The following BRI3BP variants were observed in gnomAD, a reference collection of about 807,000 sequenced individuals.
The protein encoded by BRI3BP is BRI3 binding protein.
In BRI3BP, 7 loss-of-function variants were observed where a neutral mutation model predicts 15.8. The observed-to-expected ratio is 0.44, with a 90% confidence interval of 0.25 to 0.83. The LOEUF is 0.83. BRI3BP is among the 40% of genes least tolerant of loss of function. The pLI is 0.20. For missense variants in BRI3BP, 320 were observed against 339.3 expected, an observed-to-expected ratio of 0.94 and a Z score of 0.45; for synonymous variants, 192 against 163.5, an observed-to-expected ratio of 1.17 and a Z score of -1.33.
intron 1 of BRI3BP, 82 bp from the exon 2 acceptor site, chr12:125,012,451 TA>T: frequency 8.6e-7 from 1 of 1,164,634 alleles, no homozygotes; most frequent in Non-Finnish European, 1.3e-6. Flanking sequence ...TTCCCAGGTA[TA>T]AACTCCCAAG....
chr12:124,995,432 G>T (rs11837967), intron 1 of BRI3BP, among the ~76,000 whole-genome samples: 1 of 152,114 alleles, frequency 6.6e-6, no homozygotes, highest in African/African-American at 2.4e-5. Context: ...TCTTTTTCAC[G>T]CAGGGTGACC....
chr12:124,993,988 G>A lies in BRI3BP; in HGVS notation c.198G>A (p.Val66=). The change falls in exon 1 of 3, where the codon GTG becomes GTA. Residue 66 remains valine, a synonymous_variant. Coordinates refer to ENST00000341446, the MANE Select transcript of BRI3BP (RefSeq NM_080626.6). ...SVSSLFGEDN[V]RAAQKFLARL... Reference sequence around the variant, plus strand: ...GCAGCCTGTTCGGCGAGGACAACGTGCGCGCCGCTCAGAAGGTGGGCGCCG... The same window carrying A: ...GCAGCCTGTTCGGCGAGGACAACGTACGCGCCGCTCAGAAGGTGGGCGCCG... The A allele has an allele frequency of 7.4e-7, 1 of 1,352,460 alleles. No individual in the cohort carries two copies. Among genetic ancestry groups the A allele is most frequent in the African/African-American group, 1.5e-5 (1 of 65,598 alleles). The allele number at this position is 1,352,460 out of a possible 1,614,324, so 83.8% of individuals were successfully genotyped here.
the BRI3BP span, among the ~76,000 whole-genome samples, chr12:125,049,513 C>T: frequency 6.6e-6 from 1 of 152,114 alleles, no homozygotes; most frequent in African/African-American, 2.4e-5. Context: ...CCCCTGGAGT[C>T]TCGGTGGTTT....
At chr12:125,024,573 G>T (rs1280989879) in intron 2 of BRI3BP, among the ~76,000 whole-genome samples, 5 of 152,160 alleles carry the variant, frequency 3.3e-5, no homozygotes, top group Non-Finnish European at 7.3e-5. Context: ...GCCGAGGCAG[G>T]TGGATCACCT....
At chr12:125,022,541 A>ATTTATTTATTTTT in intron 2 of BRI3BP, among the ~76,000 whole-genome samples, 7 of 139,404 alleles carry the variant, frequency 5.0e-5, no homozygotes, top group African/African-American at 1.7e-4. Context: ...TTATTTATTT[A>ATTTATTTATTTTT]TTTTTTGAGA....
chr12:125,016,615 T>C (rs1955246595), intron 2 of BRI3BP, among the ~76,000 whole-genome samples: 1 of 151,868 alleles, frequency 6.6e-6, no homozygotes, highest in South Asian at 2.1e-4. Context: ...AACCTCTGCC[T>C]CCTGGGTTCA....
downstream of BRI3BP, among the ~76,000 whole-genome samples, chr12:125,036,144 A>C (rs1242022225): frequency 3.9e-5 from 6 of 152,152 alleles, no homozygotes; most frequent in Non-Finnish European, 8.8e-5. Flanking sequence ...TGCTCACTGC[A>C]ACCTCCGCCT....
intron 1 of BRI3BP, among the ~76,000 whole-genome samples, chr12:125,009,283 CTTTTT>C (rs1217778458): frequency 4.5e-4 from 30 of 66,576 alleles, no homozygotes; most frequent in Admixed American, 2.0e-3. Flanking sequence ...ACCCAGCCAT[CTTTTT>C]TTTTTTTTTT....
intron 2 of BRI3BP, among the ~76,000 whole-genome samples, chr12:125,020,865 G>T (rs1955292841): frequency 6.8e-6 from 1 of 146,426 alleles, no homozygotes; most frequent in South Asian, 2.2e-4. Flanking sequence ...GGGCTACAGA[G>T]CAAGACTCTG....
chr12:125,008,252 G>T (rs540322897), intron 1 of BRI3BP, among the ~76,000 whole-genome samples: 6 of 148,624 alleles, frequency 4.0e-5, no homozygotes, highest in African/African-American at 1.5e-4. Flanking sequence ...CCCAGATCCC[G>T]CCGCCTACCC....
At chr12:125,050,452 G>C in the BRI3BP span, among the ~76,000 whole-genome samples, 1 of 151,950 alleles carries the variant, frequency 6.6e-6, no homozygotes, top group Admixed American at 6.6e-5. Flanking sequence ...AAAAATAAAA[G>C]AAAGGCTTAA....
At chr12:125,005,774 T>TA (rs60960388) in intron 1 of BRI3BP, among the ~76,000 whole-genome samples, 322 of 131,976 alleles carry the variant, frequency 2.4e-3, no homozygotes, top group Non-Finnish European at 3.6e-3. Flanking sequence ...CAAGACTGTT[T>TA]AAAAAAAAAA....
intron 2 of BRI3BP, among the ~76,000 whole-genome samples, chr12:125,019,527 G>C (rs1955275215): frequency 6.6e-6 from 1 of 152,084 alleles, no homozygotes; most frequent in Middle Eastern, 3.4e-3. Flanking sequence ...TGAGGTCAGG[G>C]ATTCAGTACG....
At chr12:125,021,898 C>A (rs1565906573) in intron 2 of BRI3BP, among the ~76,000 whole-genome samples, 1 of 151,976 alleles carries the variant, frequency 6.6e-6, no homozygotes, top group Non-Finnish European at 1.5e-5. Flanking sequence ...CAGAACCAAA[C>A]CACTTCACTG....
In BRI3BP at chr12:125,025,861, A is replaced by G. The variant is rs1955350021; in HGVS notation, c.*431A>G. ...CTAATTTGACATTTGAGAAAAGTTT[A>G]AATGCGAGCGTTTGTTTTCACAGCT... is the stretch of plus-strand genomic sequence containing the variant. On this transcript the variant is annotated 3_prime_UTR_variant, in exon 3 of 3. Coordinates refer to ENST00000341446, the MANE Select transcript of BRI3BP (RefSeq NM_080626.6). 6.4e-6 allele frequency: 1 copy of G among 157,354 alleles called. No homozygotes were observed. Among genetic ancestry groups the G allele is most frequent in the Non-Finnish European group, 1.4e-5 (1 of 71,620 alleles). The allele number at this position is 157,354 out of a possible 1,614,324, so 9.7% of individuals were successfully genotyped here.
chr12:125,038,126 A>T, the BRI3BP span, among the ~76,000 whole-genome samples: 4 of 151,632 alleles, frequency 2.6e-5, no homozygotes, highest in Non-Finnish European at 5.9e-5. Flanking sequence ...AAATACAAAA[A>T]ATTAGCCAGG....
Position 124,993,825 on chromosome 12 carries a change from G to T in BRI3BP, c.35G>T (p.Arg12Leu). 8.8e-7 allele frequency: 1 copy of T among 1,138,428 alleles called. No homozygotes were observed. Among genetic ancestry groups the T allele is most frequent in the South Asian group, 3.5e-5 (1 of 28,226 alleles). 70.5% of individuals were successfully genotyped at this position (1,138,428 alleles called of 1,614,324 possible). A position where few individuals can be genotyped will look rare whatever the true frequency, so the allele number is the denominator to read the frequency against. ...CGCGCCTCAGGCGGGCCCCTGGCCC[G>T]GGCCGGGCTCCTGCTGCTGCTGCTG... ...GARASGGPLA[R>L]AGLLLLLLLL... Residue 12 changes from arginine (R) to leucine (L), a missense_variant, in exon 1 of 3, where the codon CGG becomes CTG. Arg to Leu is a moderately radical substitution (Grantham distance 102). Transcript: ENST00000341446.
At chr12:124,998,168 T>G (rs1955056329) in intron 1 of BRI3BP, among the ~76,000 whole-genome samples, 3 of 150,022 alleles carry the variant, frequency 2.0e-5, no homozygotes, top group Non-Finnish European at 4.4e-5. Flanking sequence ...GGTGCACGAC[T>G]GTAATCCCAG....
chr12:125,046,279 C>T, the BRI3BP span, among the ~76,000 whole-genome samples: 58 of 152,144 alleles, frequency 3.8e-4, no homozygotes, highest in African/African-American at 1.0e-3. Flanking sequence ...AGAGGCCGGG[C>T]GCGGTGGCTC....
Sources: allele counts gnomAD v4.1 joint callset (sites outside exome capture counted in the v4.1 genomes callset), GRCh38; gene constraint gnomAD v4.1.1; transcripts MANE v1.5; gene names NCBI Gene and HGNC (gene_info 2026-07-23, HGNC 2026-07-21).